SLC24A2: variants seen among roughly 807,000 people sequenced by gnomAD.
SLC24A2 encodes the protein solute carrier family 24 member 2.
A neutral mutation model predicts 62.0 loss-of-function variants in SLC24A2; 36 were observed. The ratio of observed to expected loss-of-function variants is 0.58; its 90% CI spans 0.44 to 0.77. The LOEUF is 0.77. SLC24A2 is among the 30% of genes least tolerant of loss of function. SLC24A2 has a pLI of 0.00. For missense variants in SLC24A2, 846 were observed against 817.9 expected (o/e 1.03, Z -0.42); for synonymous variants, 358 against 294.0 (o/e 1.22, Z -2.23).
At chr9:20,213,872 T>C in the SLC24A2 span, among the ~76,000 whole-genome samples, 1 of 152,212 alleles carries the variant, frequency 6.6e-6, no homozygotes, top group Non-Finnish European at 1.5e-5. Flanking sequence ...TACAACATTG[T>C]AAGATAGGTA....
chr9:20,085,711 A>C, the SLC24A2 span, among the ~76,000 whole-genome samples: 1 of 152,250 alleles, frequency 6.6e-6, no homozygotes, highest in Non-Finnish European at 1.5e-5. Context: ...TTGAATGCTA[A>C]CTATGCTATT....
intron 8 of SLC24A2, among the ~76,000 whole-genome samples, chr9:19,540,485 G>C (rs1172606527): frequency 1.3e-5 from 2 of 151,398 alleles, no homozygotes; most frequent in Non-Finnish European, 2.9e-5. Context: ...GCCTGGATAT[G>C]AAATTCTGGG....
At chr9:19,546,438 C>G (rs886611669) in intron 8 of SLC24A2, among the ~76,000 whole-genome samples, 1 of 152,126 alleles carries the variant, frequency 6.6e-6, no homozygotes, top group Admixed American at 6.5e-5. Flanking sequence ...TGCTGAGCTG[C>G]AGTGGGCTCC....
At chr9:20,078,174 C>T in the SLC24A2 span, among the ~76,000 whole-genome samples, 1 of 152,140 alleles carries the variant, frequency 6.6e-6, no homozygotes, top group Non-Finnish European at 1.5e-5. Flanking sequence ...AGAGAATTCC[C>T]TGAGAGGCTT....
the SLC24A2 span, among the ~76,000 whole-genome samples, chr9:19,865,280 T>A: frequency 6.6e-6 from 1 of 152,092 alleles, no homozygotes; most frequent in Non-Finnish European, 1.5e-5. Flanking sequence ...ACAGATACAA[T>A]GCAATTTCTA....
rs1823266426 is a variant in SLC24A2 at position 19,789,029 on chromosome 9, G to C, written c.-298C>G. 1 of 845,226 alleles carries C rather than the reference G, an allele frequency of 1.2e-6. No homozygotes were observed. The highest frequency in any genetic ancestry group is 5.4e-5 in the South Asian group (1 of 18,542). The allele number at this position is 845,226 out of a possible 1,614,324, so 52.4% of individuals were successfully genotyped here. Reference sequence around the variant, plus strand: ...CTCTCGCCAGCCGGGCTGGGTTCGGGAGGAGACTGAGCCGCTGTGAGCCCG... The same window carrying C: ...CTCTCGCCAGCCGGGCTGGGTTCGGCAGGAGACTGAGCCGCTGTGAGCCCG... On this transcript the variant is annotated 5_prime_UTR_variant, in exon 1 of 11. Coordinates refer to ENST00000341998, the MANE Select transcript of SLC24A2 (RefSeq NM_020344.4).
chr9:19,951,228 G>T, the SLC24A2 span, among the ~76,000 whole-genome samples: 3 of 60,848 alleles, frequency 4.9e-5, no homozygotes, highest in East Asian at 1.3e-3. Flanking sequence ...TTCTTAAGTT[G>T]TGTGTGTGTG....
chr9:19,884,941 A>G, the SLC24A2 span, among the ~76,000 whole-genome samples: 1 of 152,194 alleles, frequency 6.6e-6, no homozygotes, highest in Admixed American at 6.5e-5. Context: ...TTATTGGGAT[A>G]AAACCACACG....
the SLC24A2 span, among the ~76,000 whole-genome samples, chr9:19,827,480 A>T: frequency 6.6e-6 from 1 of 152,116 alleles, no homozygotes; most frequent in Non-Finnish European, 1.5e-5. Context: ...GCAAATACTT[A>T]CCAGTGGTAA....
At chr9:20,156,746 A>G in the SLC24A2 span, among the ~76,000 whole-genome samples, 1 of 151,782 alleles carries the variant, frequency 6.6e-6, no homozygotes, top group Non-Finnish European at 1.5e-5. Flanking sequence ...TCTAGAGTTT[A>G]TCTGTGTATT....
the SLC24A2 span, among the ~76,000 whole-genome samples, chr9:20,047,032 A>ACTAT: frequency 6.6e-6 from 1 of 152,086 alleles, no homozygotes; most frequent in Non-Finnish European, 1.5e-5. Context: ...TAATTATATA[A>ACTAT]CTATCTAGCT....
chr9:20,115,642 G>A, the SLC24A2 span, among the ~76,000 whole-genome samples: 1 of 152,134 alleles, frequency 6.6e-6, no homozygotes, highest in African/African-American at 2.4e-5. Context: ...TTCCTTTGAA[G>A]GCTTGATTTA....
At chr9:20,027,318 G>A in the SLC24A2 span, among the ~76,000 whole-genome samples, 2 of 152,206 alleles carry the variant, frequency 1.3e-5, no homozygotes, top group East Asian at 3.9e-4. Flanking sequence ...TAAAGGAAAT[G>A]CAATCACTAC....
the SLC24A2 span, among the ~76,000 whole-genome samples, chr9:20,040,047 A>G: frequency 2.6e-5 from 4 of 152,196 alleles, no homozygotes; most frequent in African/African-American, 9.7e-5. Flanking sequence ...GGTTGAAATT[A>G]TTTCATAAAT....
chr9:19,717,425 C>T (rs529530582), intron 2 of SLC24A2, among the ~76,000 whole-genome samples: 6 of 152,068 alleles, frequency 3.9e-5, no homozygotes, highest in African/African-American at 9.6e-5. Context: ...TTTGATTAAC[C>T]GAGAATTACC....
At chr9:19,636,311 T>TTTCTTTTCTTTTCTTTTC (rs1818324693) in intron 2 of SLC24A2, among the ~76,000 whole-genome samples, 1 of 20,110 alleles carries the variant, frequency 5.0e-5, no homozygotes, top group Non-Finnish European at 8.4e-5. Flanking sequence ...TTTCTTTTCT[T>TTTCTTTTCTTTTCTTTTC]TTCTTTTCTT....
At chr9:19,788,047 T>G (rs2383124) in intron 1 of SLC24A2, among the ~76,000 whole-genome samples, 6 of 152,050 alleles carry the variant, frequency 3.9e-5, no homozygotes, top group African/African-American at 1.4e-4. Flanking sequence ...ACTATTCTTT[T>G]CCATATCAAC....
the SLC24A2 span, among the ~76,000 whole-genome samples, chr9:20,104,708 A>G: frequency 6.6e-6 from 1 of 152,234 alleles, no homozygotes; most frequent in Admixed American, 6.5e-5. Flanking sequence ...AGCACTAAAC[A>G]TGGAAAGGAA....
At chr9:20,060,568 C>A in the SLC24A2 span, among the ~76,000 whole-genome samples, 5,384 of 151,954 alleles carry the variant, frequency 0.035, 329 homozygotes, top group African/African-American at 0.12. Context: ...CTAGTAGAGG[C>A]AGAAAAAACA....
Sources: allele counts gnomAD v4.1 joint callset (sites outside exome capture counted in the v4.1 genomes callset), GRCh38; gene constraint gnomAD v4.1.1; transcripts MANE v1.5; gene names NCBI Gene and HGNC (gene_info 2026-07-23, HGNC 2026-07-21).